The following KIAA1217 variants were observed in gnomAD, a reference collection of about 807,000 sequenced individuals.
KIAA1217 encodes the protein KIAA1217.
A neutral mutation model predicts 163.9 loss-of-function variants in KIAA1217; 88 were observed. That is an observed-to-expected ratio of 0.54 (90% CI 0.45 to 0.64). The LOEUF (loss-of-function observed/expected upper bound fraction) is 0.64, where lower values mean the gene tolerates loss of function less well. Among genes scored for constraint, KIAA1217 ranks in the 30% least tolerant of loss-of-function variants. KIAA1217 has a pLI of 0.00. For missense variants in KIAA1217, 2,372 were observed against 2,475.0 expected (o/e 0.96, Z 0.88); for synonymous variants, 903 against 923.1 (o/e 0.98, Z 0.39).
chr10:23,741,245 A>G (rs896490666), intron 1 of KIAA1217, among the ~76,000 whole-genome samples: 4 of 152,158 alleles, frequency 2.6e-5, no homozygotes, highest in African/African-American at 9.7e-5. Flanking sequence ...ATAAAAAGGA[A>G]AAAGTGAGGT....
chr10:24,099,216 G>A (rs2062293702), intron 2 of KIAA1217, among the ~76,000 whole-genome samples: 1 of 150,384 alleles, frequency 6.6e-6, no homozygotes, highest in Admixed American at 6.6e-5. Context: ...TTAAGTTCTA[G>A]GGTACATGTG....
chr10:24,545,093 A>T lies in KIAA1217; in HGVS notation c.5324A>T (p.Gln1775Leu). 1 of 1,614,198 alleles carries T rather than the reference A, an allele frequency of 6.2e-7. No homozygotes were observed. The highest frequency in any genetic ancestry group is 1.3e-5 in the African/African-American group (1 of 75,054). Residue 1775 changes from glutamine to leucine, a missense_variant, in exon 20 of 21, where the codon CAA (glutamine) becomes CTA (leucine). Physicochemically the swap from Gln to Leu is moderately radical, Grantham distance 113. Coordinates refer to ENST00000376454, the MANE Select transcript of KIAA1217 (RefSeq NM_019590.5). ...GKQSKLQDPR[Q>L]YRQANGSAKK... ...CAGTCCAAACTGCAGGATCCCCGCC[A>T]ATATCGTCAGGTAGTTTTACCTTAA...
chr10:24,446,578 G>A (rs940632058), intron 5 of KIAA1217, among the ~76,000 whole-genome samples: 1 of 152,022 alleles, frequency 6.6e-6, no homozygotes, highest in Non-Finnish European at 1.5e-5. Flanking sequence ...CACAGAAATG[G>A]AAGTTTCAGA....
intron 1 of KIAA1217, among the ~76,000 whole-genome samples, chr10:23,728,672 C>G (rs1048613891): frequency 1.3e-5 from 2 of 152,138 alleles, no homozygotes; most frequent in Non-Finnish European, 2.9e-5. Context: ...TAATTAGATC[C>G]CATTTCTCAA....
At chr10:23,940,399 G>A (rs1843710371) in intron 1 of KIAA1217, among the ~76,000 whole-genome samples, 1 of 142,990 alleles carries the variant, frequency 7.0e-6, no homozygotes, top group African/African-American at 2.7e-5. Flanking sequence ...GGCGGAGTTT[G>A]CAGTGAGCCG....
intron 2 of KIAA1217, among the ~76,000 whole-genome samples, chr10:24,364,040 G>T (rs138592107): frequency 6.6e-6 from 1 of 150,772 alleles, no homozygotes; most frequent in African/African-American, 2.4e-5. Flanking sequence ...GTGCAATGGC[G>T]CAGTCTTGGC....
intron 2 of KIAA1217, among the ~76,000 whole-genome samples, chr10:24,360,278 C>T (rs1248533006): frequency 1.3e-5 from 2 of 152,000 alleles, no homozygotes; most frequent in Admixed American, 6.6e-5. Flanking sequence ...GAACTCCTGA[C>T]CTCAAGTGAT....
intron 2 of KIAA1217, among the ~76,000 whole-genome samples, chr10:24,371,580 T>G (rs1016839482): frequency 6.6e-6 from 1 of 152,356 alleles, no homozygotes; most frequent in Admixed American, 6.5e-5. Flanking sequence ...ATTGGAAGTT[T>G]TGTAAGAACT....
intron 2 of KIAA1217, among the ~76,000 whole-genome samples, chr10:24,141,507 G>A (rs2064080064): frequency 6.6e-6 from 1 of 152,184 alleles, no homozygotes; most frequent in Non-Finnish European, 1.5e-5. Context: ...TGCAGAAAAG[G>A]AGGAGCTTAG....
chr10:24,339,193 T>C (rs2133781939), intron 2 of KIAA1217, among the ~76,000 whole-genome samples: 1 of 152,328 alleles, frequency 6.6e-6, no homozygotes, highest in South Asian at 2.1e-4. Context: ...TCGTTTTGTT[T>C]TTTAAATATC....
chr10:24,174,627 T>G (rs2065782209), intron 2 of KIAA1217, among the ~76,000 whole-genome samples: 1 of 152,170 alleles, frequency 6.6e-6, no homozygotes, highest in Non-Finnish European at 1.5e-5. Context: ...AAAATAAATG[T>G]CTCTTGTTTT....
intron 14 of KIAA1217, among the ~76,000 whole-genome samples, 174 bp from the exon 15 acceptor site, chr10:24,531,656 T>C (rs1176272103): frequency 6.6e-6 from 1 of 152,048 alleles, no homozygotes; most frequent in Non-Finnish European, 1.5e-5. Context: ...TTGTGCAGGG[T>C]CTTTTTGGGA....
chr10:24,044,134 G>A (rs10828593), intron 2 of KIAA1217, among the ~76,000 whole-genome samples: 88,481 of 151,986 alleles, frequency 0.58, 27,400 homozygotes, highest in African/African-American at 0.75. Context: ...CATCACTCAT[G>A]TTTGTTTTTA....
chr10:23,853,115 C>G (rs976148811), intron 1 of KIAA1217, among the ~76,000 whole-genome samples: 1 of 152,124 alleles, frequency 6.6e-6, no homozygotes, highest in South Asian at 2.1e-4. Flanking sequence ...AATGCTTCCA[C>G]TTTTTGCTCA....
At chr10:24,140,859 A>G (rs1054751692) in intron 2 of KIAA1217, among the ~76,000 whole-genome samples, 2 of 152,190 alleles carry the variant, frequency 1.3e-5, no homozygotes, top group Non-Finnish European at 2.9e-5. Flanking sequence ...TGCAATCATT[A>G]TATCTCACTT....
rs1238673279 is a variant in KIAA1217 at position 24,473,646 on chromosome 10, T to C, written c.1265T>C (p.Ile422Thr). The change falls in exon 6 of 21, where the codon ATT (isoleucine) becomes ACT (threonine). Residue 422 changes from isoleucine (I) to threonine (T), a missense_variant. Ile to Thr is a moderately conservative substitution (Grantham distance 89). Around this residue, in one of 3 missense-constraint regions of KIAA1217, gnomAD observed 1,431 missense variants for 1,470.3 expected, o/e 0.97. Transcript: ENST00000376454. ...GHPLDVPDHIIAYHRTAIRSA... is the reference protein window; with the variant it reads ...GHPLDVPDHITAYHRTAIRSA... ...CCACTGGATGTCCCCGACCACATCA[T>C]TGCATATCACCGCACCGCCATCCGG... 2.5e-6 allele frequency: 4 copies of C among 1,614,008 alleles called. No homozygotes were observed. The African/African-American group carries it at 4.0e-5, about 16-fold the overall frequency.
chr10:24,326,706 CA>C (rs1484746922), intron 2 of KIAA1217, among the ~76,000 whole-genome samples: 2 of 151,972 alleles, frequency 1.3e-5, no homozygotes, highest in Admixed American at 6.6e-5. Context: ...GGGCTGTCCA[CA>C]AAAGGTTTGT....
chr10:23,781,720 T>A (rs1297133787), intron 1 of KIAA1217, among the ~76,000 whole-genome samples: 2 of 152,208 alleles, frequency 1.3e-5, no homozygotes, highest in African/African-American at 4.8e-5. Context: ...CAATAGTTCT[T>A]TGATTCATTT....
intron 2 of KIAA1217, among the ~76,000 whole-genome samples, chr10:24,175,815 T>G (rs1404831323): frequency 6.6e-6 from 1 of 152,086 alleles, no homozygotes; most frequent in African/African-American, 2.4e-5. Flanking sequence ...AGTTGTTCGT[T>G]CCTCCTGTCC....
Sources: gnomAD v4.1 joint callset for allele counts (sites outside exome capture counted in the v4.1 genomes callset) on GRCh38, gnomAD v4.1.1 for gene constraint, gnomAD v4.1.1 regional missense constraint, MANE v1.5 for transcripts, NCBI Gene and HGNC (gene_info 2026-07-23, HGNC 2026-07-21) for gene names.